The following CD164 variants were observed in gnomAD, a reference collection of about 807,000 sequenced individuals.
The protein encoded by CD164 is CD164 molecule.
A neutral mutation model predicts 24.6 loss-of-function variants in CD164; 11 were observed. That is an observed-to-expected ratio of 0.45 (90% confidence interval 0.28 to 0.74). CD164 has a LOEUF of 0.74. Among genes scored for constraint, CD164 ranks in the 30% least tolerant of loss-of-function variants. The pLI, the probability that CD164 is intolerant of heterozygous loss-of-function variation, is 0.13. For synonymous variants in CD164, 126 were observed against 100.3 expected (o/e 1.26, Z -1.53); for missense variants, 295 against 243.7 (o/e 1.21, Z -1.40).
intron 1 of CD164, chr6:109,381,700 C>G (rs1771758212): frequency 3.1e-6 from 2 of 637,320 alleles, no homozygotes; most frequent in Non-Finnish European, 5.7e-6. Context: ...GAGACACGAA[C>G]GAGCATTACC....
chr6:109,377,709 T>A (rs1771493363), intron 3 of CD164, among the ~76,000 whole-genome samples, 191 bp downstream of exon 3: 1 of 151,498 alleles, frequency 6.6e-6, no homozygotes, highest in African/African-American at 2.4e-5. Flanking sequence ...ACACTATAGC[T>A]AAATCACTAA....
chr6:109,379,694 C>T, intron 1 of CD164, 32 bp from the exon 2 acceptor site: 3 of 1,505,298 alleles, frequency 2.0e-6, no homozygotes, highest in Non-Finnish European at 2.8e-6. Flanking sequence ...TGCATGAAAT[C>T]AATGATTTTA....
chr6:109,370,340 T>C (rs1381934056), intron 5 of CD164, 71 bp downstream of exon 5: 7 of 1,226,012 alleles, frequency 5.7e-6, no homozygotes, highest in Non-Finnish European at 7.2e-6. Context: ...TGGAAAATGA[T>C]GGCAGAAATT....
intron 4 of CD164, chr6:109,371,973 A>G (rs1410434880): frequency 6.6e-6 from 1 of 152,220 alleles, no homozygotes; most frequent in Non-Finnish European, 1.5e-5. Flanking sequence ...TCATTTTTGT[A>G]CTATTTCAGA....
At chr6:109,376,730 T>C (rs943971496) in intron 3 of CD164, among the ~76,000 whole-genome samples, 5 of 152,208 alleles carry the variant, frequency 3.3e-5, no homozygotes, top group Non-Finnish European at 5.9e-5. Flanking sequence ...AAATCAGTTT[T>C]CAAAAACGTT....
In CD164 at chr6:109,370,485, T is replaced by C. The variant is rs369526532; in HGVS notation, c.371-18A>G. The C allele has an allele frequency of 1.9e-5, 30 of 1,605,658 alleles. No individual in the cohort carries two copies. Among genetic ancestry groups the C allele is most frequent in the Non-Finnish European group, 2.6e-5 (30 of 1,175,674 alleles). ...GGGTTTAGCTGGAATGAAAACAAAA[T>C]GTCTTTTTAAAAAACCTTAAATTTC... On this transcript the variant is annotated intron_variant, in intron 4 of 5. Transcript: ENST00000310786.
rs368983977 is a variant in CD164 at position 109,382,198 on chromosome 6, G to A, written c.175+6C>T. 55 of 1,542,204 alleles carry A rather than the reference G, an allele frequency of 3.6e-5. No individual in the cohort carries two copies. The highest frequency in any genetic ancestry group is 4.3e-5 in the Non-Finnish European group (49 of 1,150,930). On this transcript the variant is annotated splice_donor_region_variant and intron_variant, in intron 1 of 5. Transcript: ENST00000310786. Reference sequence around the variant, plus strand: ...AGGGCGGGAAGCCCACAGGGCCCGCGCCCACCTGGTGCCGGAGTGGTGACC... The same window carrying A: ...AGGGCGGGAAGCCCACAGGGCCCGCACCCACCTGGTGCCGGAGTGGTGACC...
intron 4 of CD164, among the ~76,000 whole-genome samples, chr6:109,375,380 T>A (rs1206446342): frequency 6.6e-6 from 1 of 150,552 alleles, no homozygotes; most frequent in Non-Finnish European, 1.5e-5. Context: ...TCTTTGGGAG[T>A]CTGAGGTAGG....
At chr6:109,376,642 T>C (rs1163506810) in intron 3 of CD164, among the ~76,000 whole-genome samples, 2 of 152,114 alleles carry the variant, frequency 1.3e-5, no homozygotes, top group African/African-American at 4.8e-5. Flanking sequence ...AATTTGGGGG[T>C]TTATGTCCTT....
intron 4 of CD164, among the ~76,000 whole-genome samples, chr6:109,374,761 G>A (rs938755964): frequency 3.3e-5 from 5 of 152,098 alleles, no homozygotes; most frequent in African/African-American, 4.8e-5. Context: ...TGAACTCACC[G>A]TACTACTTCA....
Position 109,376,143 on chromosome 6 carries a change from T to C in CD164, c.332-31A>G, listed in dbSNP as rs753360076. On this transcript the variant is annotated intron_variant, in intron 3 of 5. Coordinates refer to ENST00000310786, the MANE Select transcript of CD164 (RefSeq NM_006016.6). ...AAAAAAAGAAAAAAGAAAAACCATATACATCAAAGCTATTTAAAATATCAC... is the reference window on the plus strand; with the variant it reads ...AAAAAAAGAAAAAAGAAAAACCATACACATCAAAGCTATTTAAAATATCAC... 2.6e-6 allele frequency: 4 copies of C among 1,509,640 alleles called. No homozygotes were observed. The Admixed American group carries it at 7.2e-5, about 27-fold the overall frequency. The allele number at this position is 1,509,640 out of a possible 1,614,324, so 93.5% of individuals were successfully genotyped here.
intron 3 of CD164, among the ~76,000 whole-genome samples, chr6:109,376,393 C>T (rs765168443): frequency 6.6e-6 from 1 of 152,172 alleles, no homozygotes; most frequent in African/African-American, 2.4e-5. Context: ...AGGAAGCATC[C>T]TTAAAGTAAG....
In CD164 at chr6:109,368,187, G is replaced by T; in HGVS notation, c.*664C>A. 1 of 1,189,690 alleles carries T rather than the reference G, an allele frequency of 8.4e-7. No individual in the cohort carries two copies. 73.7% of individuals were successfully genotyped at this position (1,189,690 alleles called of 1,614,324 possible). ...ATTAAGCTAGAGCTTACCTTTCACT[G>T]TCTTCTAAGGCACTGTTCTTTATAT... On this transcript the variant is annotated 3_prime_UTR_variant, in exon 6 of 6. Transcript: ENST00000310786.
intron 3 of CD164, 60 bp downstream of exon 3, chr6:109,377,840 G>A (rs1243960504): frequency 8.2e-7 from 1 of 1,217,354 alleles, no homozygotes; most frequent in Admixed American, 1.7e-5. Flanking sequence ...GGCTTTCTGA[G>A]GCAATGATCT....
chr6:109,368,365 T>C lies in CD164; in HGVS notation c.*486A>G, dbSNP rs2115137479. Reference sequence around the variant, plus strand: ...ACAGCTGTTATCAAGCACAAAATTTTAATCTAAGGATACCATTTAGTACTA... The same window carrying C: ...ACAGCTGTTATCAAGCACAAAATTTCAATCTAAGGATACCATTTAGTACTA... On this transcript the variant is annotated 3_prime_UTR_variant, in exon 6 of 6. Coordinates refer to ENST00000310786, the MANE Select transcript of CD164 (RefSeq NM_006016.6). 1 of 1,524,846 alleles carries C rather than the reference T, an allele frequency of 6.6e-7. No homozygotes were observed. Among genetic ancestry groups the C allele is most frequent in the African/African-American group, 1.4e-5 (1 of 71,584 alleles). The allele number at this position is 1,524,846 out of a possible 1,614,324, so 94.5% of individuals were successfully genotyped here.
chr6:109,376,062 A>T lies in CD164; in HGVS notation c.370+12T>A. Reference sequence around the variant, plus strand: ...CTGAAGGAAAAGGAAGAAAACAGTCATCTTGAATTACCTGTAGAATTGGCT... The same window carrying T: ...CTGAAGGAAAAGGAAGAAAACAGTCTTCTTGAATTACCTGTAGAATTGGCT... On this transcript the variant is annotated intron_variant, in intron 4 of 5. Transcript: ENST00000310786. 6.4e-7 allele frequency: 1 copy of T among 1,563,180 alleles called. No individual in the cohort carries two copies. The highest frequency in any genetic ancestry group is 1.7e-4 in the Middle Eastern group (1 of 5,876).
At chr6:109,375,262 G>A (rs947469047) in intron 4 of CD164, among the ~76,000 whole-genome samples, 4 of 151,908 alleles carry the variant, frequency 2.6e-5, no homozygotes, top group African/African-American at 9.7e-5. Flanking sequence ...AATGAGAGAC[G>A]GCCTAATTCT....
At chr6:109,380,112 AC>A (rs1329696911) in intron 1 of CD164, 2 of 152,626 alleles carry the variant, frequency 1.3e-5, no homozygotes, top group African/African-American at 4.8e-5. Flanking sequence ...AACAGGTTGA[AC>A]CCAAGCACTG....
At position 109,375,599 on chromosome 6, in the gene CD164, A is replaced by G. The variant is rs567355508; in HGVS notation, c.370+475T>C. ...ACCACTGCACTCCAGCCTGAGCGGC[A>G]GAGCAAGACTTCGCTTCCAAAAAAA... On this transcript the variant is annotated intron_variant, in intron 4 of 5. Coordinates refer to ENST00000310786, the MANE Select transcript of CD164 (RefSeq NM_006016.6). Among the ~76,000 whole-genome samples the G allele has an allele frequency of 2.4e-3, 344 of 143,284 alleles. 4 individuals are homozygous for G. Among genetic ancestry groups the G allele is most frequent in the Admixed American group, 3.5e-3 (50 of 14,106 alleles). 94.0% of individuals were successfully genotyped at this position (143,284 alleles called of 152,430 possible). A position where few individuals can be genotyped will look rare whatever the true frequency, so the allele number is the denominator to read the frequency against.
Sources: gnomAD v4.1 joint callset for allele counts (sites outside exome capture counted in the v4.1 genomes callset) on GRCh38, gnomAD v4.1.1 for gene constraint, MANE v1.5 for transcripts, NCBI Gene and HGNC (gene_info 2026-07-23, HGNC 2026-07-21) for gene names.